The following WAPL variants were observed in gnomAD, a reference collection of about 807,000 sequenced individuals.
WAPL encodes the protein wings apart-like protein homolog.
In WAPL, 5 loss-of-function variants were observed where a neutral mutation model predicts 121.0. That is an observed-to-expected ratio of 0.04 (90% CI 0.02 to 0.09). The LOEUF is 0.09. Among genes scored for constraint, WAPL ranks in the 10% least tolerant of loss-of-function variants. The probability of loss-of-function intolerance (pLI) is 1.00; values close to 1 mark genes in which losing one functional copy is unlikely to be tolerated. For missense variants in WAPL, 999 were observed against 1,410.8 expected (o/e 0.71, Z 4.68); for synonymous variants, 480 against 481.5 (o/e 1.00, Z 0.04).
At chr10:86,484,699 A>C (rs1161659444) in intron 4 of WAPL, among the ~76,000 whole-genome samples, 1 of 152,198 alleles carries the variant, frequency 6.6e-6, no homozygotes, top group Non-Finnish European at 1.5e-5. Flanking sequence ...TGTCCTATAT[A>C]GGTGTACCAT....
At chr10:86,462,587 G>A (rs952599390) in intron 9 of WAPL, among the ~76,000 whole-genome samples, 1 of 151,944 alleles carries the variant, frequency 6.6e-6, no homozygotes, top group Non-Finnish European at 1.5e-5. Context: ...GGGCGTGGTG[G>A]TGGGTGCCTG....
chr10:86,450,770 A>G (rs1195340153), intron 15 of WAPL, among the ~76,000 whole-genome samples: 1 of 152,242 alleles, frequency 6.6e-6, no homozygotes, highest in African/African-American at 2.4e-5. Flanking sequence ...TATTTTAAAT[A>G]AACTAAAACT....
At chr10:86,460,517 G>A (rs376651267) in intron 10 of WAPL, 21 bp from the exon 11 acceptor site, 12 of 1,589,498 alleles carry the variant, frequency 7.5e-6, no homozygotes, top group Admixed American at 1.7e-5. Context: ...AGAAACAAAC[G>A]TAAGTTAGTA....
intron 9 of WAPL, among the ~76,000 whole-genome samples, chr10:86,465,941 TTTTC>T (rs1293048325): frequency 2.6e-5 from 4 of 152,206 alleles, no homozygotes; most frequent in Non-Finnish European, 5.9e-5. Flanking sequence ...TTTTTTCTTT[TTTTC>T]TTTTTTTTCA....
At chr10:86,465,291 T>G (rs1336803435) in intron 9 of WAPL, among the ~76,000 whole-genome samples, 1 of 152,102 alleles carries the variant, frequency 6.6e-6, no homozygotes, top group Non-Finnish European at 1.5e-5. Context: ...CCTCGCCTCC[T>G]AGGTTCCAGG....
chr10:86,510,068 CTTTTTTTTTTTT>C (rs11323475), intron 2 of WAPL, among the ~76,000 whole-genome samples: 1 of 57,200 alleles, frequency 1.7e-5, no homozygotes, highest in Non-Finnish European at 2.9e-5. Flanking sequence ...TCCACCCGGC[CTTTTTTTTTTTT>C]TTTTTTTTTT....
intron 2 of WAPL, among the ~76,000 whole-genome samples, chr10:86,514,752 A>G (rs553643118): frequency 1.3e-5 from 2 of 152,368 alleles, no homozygotes; most frequent in African/African-American, 4.8e-5. Flanking sequence ...TTACTTATGA[A>G]TAACTTCCAC....
chr10:86,500,262 A>G lies in WAPL; in HGVS notation c.981T>C (p.Ser327=). The G allele has an allele frequency of 6.2e-7, 1 of 1,614,070 alleles. No homozygotes were observed. The highest frequency in any genetic ancestry group is 8.5e-7 in the Non-Finnish European group (1 of 1,180,024). Residue 327 remains serine, a synonymous_variant, in exon 3 of 19, where the codon AGT becomes AGC. Coordinates refer to ENST00000298767, the MANE Select transcript of WAPL (RefSeq NM_015045.5). ...GATTCAGGCCATCTTTACTCGATTC[A>G]CTGTTTGCTTTGGCTAAGGCCTGAC... ...GTSQALAKAN[S]ESSKDGLNQA...
intron 2 of WAPL, among the ~76,000 whole-genome samples, chr10:86,515,759 G>A (rs1178354131): frequency 2.0e-5 from 3 of 151,398 alleles, no homozygotes; most frequent in Non-Finnish European, 2.9e-5. Flanking sequence ...TACAGCCTGG[G>A]CAACACAGCG....
At chr10:86,518,133 A>C in intron 1 of WAPL, 42 bp from the exon 2 acceptor site, 1 of 1,561,720 alleles carries the variant, frequency 6.4e-7, no homozygotes, top group Non-Finnish European at 8.7e-7. Context: ...CATCAAATAC[A>C]AGTGTTAAAC....
intron 1 of WAPL, among the ~76,000 whole-genome samples, chr10:86,518,494 G>A (rs751419456): frequency 6.6e-6 from 1 of 152,230 alleles, no homozygotes; most frequent in Non-Finnish European, 1.5e-5. Context: ...GCTCACTTGA[G>A]GCCAGGAGTT....
At chr10:86,506,077 C>A (rs888808138) in intron 2 of WAPL, among the ~76,000 whole-genome samples, 6 of 151,806 alleles carry the variant, frequency 4.0e-5, no homozygotes, top group Admixed American at 1.3e-4. Flanking sequence ...CTACTAAAAT[C>A]AAAAAAAATT....
intron 4 of WAPL, among the ~76,000 whole-genome samples, chr10:86,474,864 G>A (rs890004289): frequency 3.3e-5 from 5 of 152,196 alleles, no homozygotes; most frequent in African/African-American, 1.2e-4. Context: ...GACAGACAAT[G>A]CGCTCATTTA....
intron 2 of WAPL, among the ~76,000 whole-genome samples, chr10:86,506,414 T>C (rs993694436): frequency 6.6e-6 from 1 of 152,240 alleles, no homozygotes; most frequent in Non-Finnish European, 1.5e-5. Flanking sequence ...GGTTTTCTGT[T>C]TTATTTTACA....
Position 86,445,350 on chromosome 10 carries a change from G to A in WAPL, c.3322+892C>T, listed in dbSNP as rs527899646. On this transcript the variant is annotated intron_variant, in intron 16 of 18. Transcript: ENST00000298767. ...TTGATTTGTGGTTGGCTGACTCTGT[G>A]GATGTGGAACCCACATGTATGGAGG... is the stretch of plus-strand genomic sequence containing the variant. Among the ~76,000 whole-genome samples the A allele has an allele frequency of 6.6e-5, 10 of 152,174 alleles. No individual in the cohort carries two copies. In the South Asian group the frequency reaches 1.7e-3, roughly 25 times the overall value.
intron 2 of WAPL, among the ~76,000 whole-genome samples, chr10:86,515,706 C>T (rs994305178): frequency 5.9e-5 from 9 of 151,796 alleles, no homozygotes; most frequent in Admixed American, 1.3e-4. Flanking sequence ...CACTTGAATC[C>T]GGGAAGCGGA....
intron 9 of WAPL, among the ~76,000 whole-genome samples, chr10:86,461,501 T>A (rs1221487877): frequency 1.3e-5 from 2 of 150,548 alleles, no homozygotes; most frequent in Non-Finnish European, 3.0e-5. Context: ...AGTCTATCAT[T>A]TGTCAGTTTA....
intron 2 of WAPL, among the ~76,000 whole-genome samples, chr10:86,516,902 G>A (rs2132235573): frequency 6.6e-6 from 1 of 152,248 alleles, no homozygotes; most frequent in East Asian, 1.9e-4. Flanking sequence ...GGCTAACACA[G>A]TGAAACCCTG....
chr10:86,508,912 C>T (rs996589390), intron 2 of WAPL, among the ~76,000 whole-genome samples: 1 of 152,026 alleles, frequency 6.6e-6, no homozygotes, highest in Non-Finnish European at 1.5e-5. Flanking sequence ...CCCGCCACCA[C>T]GCCCGGCTAA....
Sources: gnomAD v4.1 joint callset for allele counts (sites outside exome capture counted in the v4.1 genomes callset) on GRCh38, gnomAD v4.1.1 for gene constraint, MANE v1.5 for transcripts, NCBI Gene and HGNC (gene_info 2026-07-23, HGNC 2026-07-21) for gene names.